The following LMBR1 variants were observed in gnomAD, a reference collection of about 807,000 sequenced individuals.
LMBR1 encodes limb region 1 protein homolog.
Under a neutral mutation model 73.9 loss-of-function variants are expected in LMBR1, and 52 were observed. That is an observed-to-expected ratio of 0.70 (90% CI 0.56 to 0.89). LMBR1 has a LOEUF of 0.89. Ranked by LOEUF, LMBR1 falls within the 40% of genes least tolerant of loss-of-function variation. The pLI is 0.00. For synonymous variants in LMBR1, 215 were observed against 209.4 expected, an observed-to-expected ratio of 1.03 and a Z score of -0.23; for missense variants, 539 against 579.8, an observed-to-expected ratio of 0.93 and a Z score of 0.72.
chr7:156,819,126 T>A (rs1009929075), intron 4 of LMBR1, among the ~76,000 whole-genome samples: 5 of 152,234 alleles, frequency 3.3e-5, no homozygotes, highest in Non-Finnish European at 7.3e-5. Context: ...CAGACAGAGA[T>A]ACATCTTGCT....
At chr7:156,824,502 T>A (rs1225812479) in intron 4 of LMBR1, among the ~76,000 whole-genome samples, 1 of 152,118 alleles carries the variant, frequency 6.6e-6, no homozygotes, top group African/African-American at 2.4e-5. Flanking sequence ...GAATATACAT[T>A]ATTAGTCTAA....
intron 7 of LMBR1, 95 bp downstream of exon 7, chr7:156,763,011 CAA>C: frequency 1.5e-6 from 1 of 655,138 alleles, no homozygotes; most frequent in Non-Finnish European, 2.7e-6. Flanking sequence ...AAAAAAAATC[CAA>C]ATAGTTAAGA....
chr7:156,882,724 T>A (rs780569432), intron 1 of LMBR1, among the ~76,000 whole-genome samples: 8 of 151,538 alleles, frequency 5.3e-5, no homozygotes, highest in Non-Finnish European at 1.0e-4. Flanking sequence ...ATCAACAATA[T>A]AATTGCACAC....
intron 1 of LMBR1, among the ~76,000 whole-genome samples, chr7:156,846,949 C>T (rs1795569698): frequency 6.6e-6 from 1 of 151,950 alleles, no homozygotes; most frequent in East Asian, 1.9e-4. Context: ...ACACTATACC[C>T]CATAAACATA....
intron 4 of LMBR1, among the ~76,000 whole-genome samples, chr7:156,803,317 C>A (rs1484809316): frequency 2.0e-5 from 3 of 151,494 alleles, no homozygotes; most frequent in East Asian, 1.9e-4. Flanking sequence ...AAAAAACAAA[C>A]AACCCCATCA....
intron 1 of LMBR1, among the ~76,000 whole-genome samples, chr7:156,854,501 AT>A (rs2134116040): frequency 6.6e-6 from 1 of 152,356 alleles, no homozygotes; most frequent in African/African-American, 2.4e-5. Flanking sequence ...AAACGTAAAC[AT>A]TCTGAAATAT....
At chr7:156,857,102 A>G (rs1384999426) in intron 1 of LMBR1, among the ~76,000 whole-genome samples, 1 of 152,178 alleles carries the variant, frequency 6.6e-6, no homozygotes, top group African/African-American at 2.4e-5. Context: ...GACCAAAAAA[A>G]CCACCAAGAA....
intron 1 of LMBR1, among the ~76,000 whole-genome samples, chr7:156,852,379 T>G (rs1470654682): frequency 6.6e-6 from 1 of 152,170 alleles, no homozygotes; most frequent in African/African-American, 2.4e-5. Context: ...AATAAGAGAT[T>G]GCTTATGGAA....
chr7:156,837,336 A>G (rs1430165748), intron 1 of LMBR1, among the ~76,000 whole-genome samples: 1 of 46,834 alleles, frequency 2.1e-5, no homozygotes, highest in African/African-American at 6.7e-5. Context: ...ACTCCATCTC[A>G]AAAAAAAAAA....
Position 156,893,131 on chromosome 7 carries a change from G to A in LMBR1, c.-138C>T, listed in dbSNP as rs890158579. On this transcript the variant is annotated 5_prime_UTR_variant, in exon 1 of 17. Transcript: ENST00000353442. ...CGCGAGCCGTGTTGGAACAGGTACCGCGACCACGACACCGGCCGTCGCCTC... is the reference window on the plus strand; with the variant it reads ...CGCGAGCCGTGTTGGAACAGGTACCACGACCACGACACCGGCCGTCGCCTC... 18 of 803,112 alleles carry A rather than the reference G, an allele frequency of 2.2e-5. No homozygotes were observed. Among genetic ancestry groups the A allele is most frequent in the Admixed American group, 4.5e-5 (1 of 22,442 alleles). 49.7% of individuals were successfully genotyped at this position (803,112 alleles called of 1,614,324 possible).
chr7:156,849,389 A>C (rs1795945079), intron 1 of LMBR1, among the ~76,000 whole-genome samples: 3 of 152,150 alleles, frequency 2.0e-5, no homozygotes, highest in African/African-American at 4.8e-5. Context: ...AAAAACTACC[A>C]ATCAGGTACT....
Position 156,794,330 on chromosome 7 carries a change from G to GT in LMBR1, c.423+2058dup, listed in dbSNP as rs1347267577. 2.6e-5 allele frequency among the ~76,000 whole-genome samples: 4 copies of GT among 152,262 alleles called. No homozygotes were observed. The East Asian group carries it at 7.7e-4, about 29-fold the overall frequency. ...TAGAGGAAGTAAGTGCTGTACAATC[G>GT]TATGTGTGAAATATCTCTAATTAAC... On this transcript the variant is annotated intron_variant, in intron 5 of 16. Transcript: ENST00000353442.
At chr7:156,776,928 C>CTTTT (rs59567598) in intron 5 of LMBR1, among the ~76,000 whole-genome samples, 1 of 142,536 alleles carries the variant, frequency 7.0e-6, no homozygotes, top group Non-Finnish European at 1.5e-5. Flanking sequence ...ATTTTCACAA[C>CTTTT]TTTTTTTTTT....
intron 1 of LMBR1, among the ~76,000 whole-genome samples, chr7:156,874,282 G>A (rs1265405997): frequency 5.3e-5 from 8 of 152,338 alleles, no homozygotes; most frequent in Non-Finnish European, 1.0e-4. Context: ...CAGCAGGGCC[G>A]GCTGGCTGCT....
At chr7:156,767,813 G>A (rs1323242672) in intron 5 of LMBR1, among the ~76,000 whole-genome samples, 1 of 151,640 alleles carries the variant, frequency 6.6e-6, no homozygotes, top group Non-Finnish European at 1.5e-5. Context: ...ATGCAAATTA[G>A]GTCAAAAAAC....
chr7:156,790,537 T>C (rs1381564113), intron 5 of LMBR1, among the ~76,000 whole-genome samples: 2 of 152,042 alleles, frequency 1.3e-5, no homozygotes, highest in East Asian at 3.8e-4. Context: ...AAATTTATCA[T>C]TTTTCAATAC....
At chr7:156,743,125 AG>A (rs1385065386) in intron 9 of LMBR1, among the ~76,000 whole-genome samples, 2 of 152,166 alleles carry the variant, frequency 1.3e-5, no homozygotes, top group African/African-American at 4.8e-5. Context: ...TTATATAAAC[AG>A]GATTTCCAAT....
intron 5 of LMBR1, among the ~76,000 whole-genome samples, chr7:156,765,234 C>A (rs991122118): frequency 6.6e-6 from 1 of 152,126 alleles, no homozygotes. Flanking sequence ...TCCCATAATC[C>A]CCATGTGTCG....
intron 9 of LMBR1, among the ~76,000 whole-genome samples, chr7:156,755,788 A>G (rs1220030995): frequency 6.6e-6 from 1 of 152,202 alleles, no homozygotes; most frequent in African/African-American, 2.4e-5. Context: ...GGATCGAAGG[A>G]AAAAGCTCTA....
Sources: allele counts gnomAD v4.1 joint callset (sites outside exome capture counted in the v4.1 genomes callset), GRCh38; gene constraint gnomAD v4.1.1; transcripts MANE v1.5; gene names NCBI Gene and HGNC (gene_info 2026-07-23, HGNC 2026-07-21).